Variants in CD81 observed in about 807,000 individuals in gnomAD.
The protein encoded by CD81 is CD81 antigen.
CD81 carries 10 observed loss-of-function variants against 30.1 expected under a neutral mutation model. The ratio of observed to expected loss-of-function variants is 0.33; its 90% confidence interval spans 0.21 to 0.56. The LOEUF (loss-of-function observed/expected upper bound fraction) is 0.56. CD81 is among the 20% of genes least tolerant of loss of function. The pLI is 0.89. For missense variants in CD81, 263 were observed against 308.7 expected, an observed-to-expected ratio of 0.85 and a Z score of 1.11; for synonymous variants, 147 against 126.4, an observed-to-expected ratio of 1.16 and a Z score of -1.10.
chr11:2,396,271 T>C, intron 6 of CD81: 1 of 558,148 alleles, frequency 1.8e-6, no homozygotes, highest in Non-Finnish European at 3.2e-6. Context: ...TGACAGCCTG[T>C]AGCTGGCAGG....
intron 2 of CD81, 49 bp from the exon 3 acceptor site, chr11:2,394,046 G>A (rs200370609): frequency 2.1e-6 from 3 of 1,435,696 alleles, no homozygotes; most frequent in East Asian, 4.5e-5. Context: ...CGGGGTCTTG[G>A]GCTGTGGCGA....
chr11:2,395,579 C>A, intron 5 of CD81, 59 bp downstream of exon 5: 1 of 1,346,780 alleles, frequency 7.4e-7, no homozygotes, highest in Non-Finnish European at 1.1e-6. Context: ...CGGGGTGTGT[C>A]TCGTCCTGGA....
At chr11:2,387,944 T>G (rs950836432) in intron 1 of CD81, among the ~76,000 whole-genome samples, 2 of 152,154 alleles carry the variant, frequency 1.3e-5, no homozygotes, top group Admixed American at 1.3e-4. Context: ...GGTTGTTGTT[T>G]CGGGTGTGTG....
At chr11:2,395,816 C>T in intron 5 of CD81, 53 bp from the exon 6 acceptor site, 3 of 1,262,918 alleles carry the variant, frequency 2.4e-6, no homozygotes, top group East Asian at 2.3e-5. Context: ...TCCCTAGAGC[C>T]ACCGTCCCCC....
In CD81 at chr11:2,377,769, C is replaced by T; in HGVS notation, c.66+154C>T. ...CTCCAGGAGCGGGGTGGGGGGTCGC[C>T]CGGGGCCACCGCGCCCCCCGACATT... On this transcript the variant is annotated intron_variant, in intron 1 of 7. Coordinates refer to ENST00000263645, the MANE Select transcript of CD81 (RefSeq NM_004356.4). The surrounding 1 kb of genome is among the most constrained non-coding windows in gnomAD (Gnocchi z 7.7). 2 of 304,394 alleles carry T rather than the reference C, an allele frequency of 6.6e-6. No homozygotes were observed. Among genetic ancestry groups the T allele is most frequent in the East Asian group, 6.5e-5 (1 of 15,274 alleles). 18.9% of individuals were successfully genotyped at this position (304,394 alleles called of 1,614,324 possible).
chr11:2,396,934 G>GC lies in CD81; in HGVS notation c.*70dup. On this transcript the variant is annotated 3_prime_UTR_variant, in exon 8 of 8. Transcript: ENST00000263645. Reference sequence around the variant, plus strand: ...AAGTGACCCGGACACTTCCGAGGGGGCCATCACCGCCTGTGTATATAACGT... The same window carrying GC: ...AAGTGACCCGGACACTTCCGAGGGGGCCCATCACCGCCTGTGTATATAACGT... The GC allele has an allele frequency of 7.3e-7, 1 of 1,378,338 alleles. No individual in the cohort carries two copies. Among genetic ancestry groups the GC allele is most frequent in the Non-Finnish European group, 1.0e-6 (1 of 973,076 alleles). 85.4% of individuals were successfully genotyped at this position (1,378,338 alleles called of 1,614,324 possible).
At chr11:2,382,132 G>A (rs1468432542) in intron 1 of CD81, among the ~76,000 whole-genome samples, 1 of 152,234 alleles carries the variant, frequency 6.6e-6, no homozygotes, top group Admixed American at 6.5e-5. Context: ...CTGGCAGCCG[G>A]ATCTCACTTT....
chr11:2,382,853 C>G (rs754949070), intron 1 of CD81, among the ~76,000 whole-genome samples: 1 of 152,220 alleles, frequency 6.6e-6, no homozygotes, highest in African/African-American at 2.4e-5. Context: ...CCTGGAGCTC[C>G]TTCCCGAGTG....
At position 2,395,857 on chromosome 11, in the gene CD81, T is replaced by C. The variant is rs565572863; in HGVS notation, c.460-12T>C. ...ACATCCAGGGCTGACCTTGCACCCC[T>C]GCTCTCTGCAGCTTGACTGCTGTGG... On this transcript the variant is annotated splice_polypyrimidine_tract_variant and intron_variant, in intron 5 of 7. Coordinates refer to ENST00000263645, the MANE Select transcript of CD81 (RefSeq NM_004356.4). The C allele has an allele frequency of 1.8e-5, 29 of 1,597,158 alleles. No homozygotes were observed. In the East Asian group the frequency reaches 5.8e-4, roughly 32 times the overall value.
In CD81 at chr11:2,384,571, GC is replaced by G. The variant is rs1161262735; in HGVS notation, c.67-5838del. Reference sequence around the variant, plus strand: ...TCTCGGGAGGTGGGGCATCTCTGGGGCCCGGCCACTTGGGAGGCGGGGCATC... The same window carrying G: ...TCTCGGGAGGTGGGGCATCTCTGGGGCCGGCCACTTGGGAGGCGGGGCATC... On this transcript the variant is annotated intron_variant, in intron 1 of 7. Coordinates refer to ENST00000263645, the MANE Select transcript of CD81 (RefSeq NM_004356.4). 3 of 156,044 alleles carry G rather than the reference GC, an allele frequency of 1.9e-5. No individual in the cohort carries two copies. In the Admixed American group the frequency reaches 2.0e-4, roughly 10 times the overall value. The allele number at this position is 156,044 out of a possible 1,614,324, so 9.7% of individuals were successfully genotyped here. A position where few individuals can be genotyped will look rare whatever the true frequency, so the allele number is the denominator to read the frequency against.
chr11:2,384,289 C>T (rs1168440612), intron 1 of CD81, among the ~76,000 whole-genome samples: 1 of 137,520 alleles, frequency 7.3e-6, no homozygotes, highest in Non-Finnish European at 1.6e-5. Flanking sequence ...TGGGGTGGGG[C>T]GGCTTGTGGG....
intron 1 of CD81, among the ~76,000 whole-genome samples, chr11:2,389,900 C>T (rs1297816343): frequency 3.3e-5 from 5 of 152,100 alleles, no homozygotes; most frequent in Non-Finnish European, 7.4e-5. Context: ...AGTCCCCCAG[C>T]GACCTCAGAA....
chr11:2,386,274 G>C, intron 1 of CD81: 1 of 671,532 alleles, frequency 1.5e-6, no homozygotes, highest in South Asian at 1.7e-5. Flanking sequence ...TGTTGAGTTT[G>C]GAAAGCTCTG....
At chr11:2,396,590 C>G in intron 6 of CD81, 38 bp from the exon 7 acceptor site, 1 of 1,549,282 alleles carries the variant, frequency 6.5e-7, no homozygotes, top group East Asian at 2.2e-5. Flanking sequence ...GGAGCCGAGG[C>G]CCGGTCCCTG....
intron 1 of CD81, chr11:2,379,199 C>G (rs1302176418): frequency 4.4e-6 from 2 of 451,858 alleles, no homozygotes; most frequent in Non-Finnish European, 8.9e-6. Context: ...GCCCCGTCCC[C>G]TGACGAGGCG....
At chr11:2,394,299 G>A in intron 3 of CD81, 107 bp downstream of exon 3, 2 of 717,128 alleles carry the variant, frequency 2.8e-6, no homozygotes, top group African/African-American at 1.8e-5. Context: ...CTAGAATTCT[G>A]GGGGAGGTGG....
intron 2 of CD81, chr11:2,393,752 G>C (rs1671455436): frequency 1.7e-6 from 1 of 601,738 alleles, no homozygotes; most frequent in Non-Finnish European, 3.0e-6. Flanking sequence ...GTGGCGGGTG[G>C]CAGGTGCAGG....
chr11:2,393,625 C>T (rs540287895), intron 2 of CD81: 210 of 528,314 alleles, frequency 4.0e-4, no homozygotes, highest in Non-Finnish European at 5.8e-4. Context: ...GTTCCAGTTC[C>T]GGTTCCTGGG....
At chr11:2,395,790 C>G in intron 5 of CD81, 79 bp from the exon 6 acceptor site, 1 of 961,590 alleles carries the variant, frequency 1.0e-6, no homozygotes, top group Non-Finnish European at 1.7e-6. Context: ...GTACCCCTGG[C>G]CACCTCCCCA....
Sources: gnomAD v4.1 joint callset for allele counts (sites outside exome capture counted in the v4.1 genomes callset) on GRCh38, gnomAD v4.1.1 for gene constraint, Gnocchi (gnomAD v3.1) non-coding constraint, MANE v1.5 for transcripts, NCBI Gene and HGNC (gene_info 2026-07-23, HGNC 2026-07-21) for gene names.